Variants in SPATA6L observed in about 807,000 individuals in gnomAD.
SPATA6L encodes spermatogenesis associated 6-like protein.
A neutral mutation model predicts 49.2 loss-of-function variants in SPATA6L; 68 were observed. The ratio of observed to expected loss-of-function variants is 1.38; its 90% CI spans 1.14 to 1.69. SPATA6L has a LOEUF of 1.69. Ranked by LOEUF, SPATA6L falls within the 40% of genes most tolerant of loss-of-function variation. SPATA6L has a pLI of 0.00. For synonymous variants in SPATA6L, 198 were observed against 165.7 expected (o/e 1.19, Z -1.50); for missense variants, 668 against 464.3 (o/e 1.44, Z -4.03).
At chr9:4,629,426 G>C (rs1831014948) in intron 4 of SPATA6L, among the ~76,000 whole-genome samples, 1 of 151,894 alleles carries the variant, frequency 6.6e-6, no homozygotes, top group African/African-American at 2.4e-5. Flanking sequence ...TTTTATAATA[G>C]TATCTCCTCA....
chr9:4,625,301 G>A lies in SPATA6L; in HGVS notation c.669+26C>T, dbSNP rs12347308. 3,952 of 1,599,110 alleles carry A rather than the reference G, an allele frequency of 2.5e-3. 70 individuals carry two copies. In the African/African-American group the frequency reaches 0.038, roughly 16 times the overall value. ...ATCCATATCCTCACTATTGCAAAAT[G>A]CTCTAAAAAATAATTTTAGGCTCAC... On this transcript the variant is annotated intron_variant, in intron 6 of 11. Coordinates refer to ENST00000682582, the MANE Select transcript of SPATA6L (RefSeq NM_001353486.2).
At chr9:4,631,805 G>A (rs1476009919) in intron 4 of SPATA6L, among the ~76,000 whole-genome samples, 1 of 152,128 alleles carries the variant, frequency 6.6e-6, no homozygotes, top group Non-Finnish European at 1.5e-5. Context: ...GAGTAAGAGT[G>A]CAGGCTCTGA....
rs73387269 is a variant in SPATA6L, at chr9:4,627,740, G to A, written c.429+1351C>T. ...GTAGTACACATGGATGCCCTAAGAC[G>A]CTTCACGCTTACCAAAGACGGACCA... On this transcript the variant is annotated intron_variant, in intron 5 of 11. Transcript: ENST00000682582. 4,426 of 1,289,188 alleles carry A rather than the reference G, an allele frequency of 3.4e-3. 116 individuals carry two copies. In the African/African-American group the frequency reaches 0.061, roughly 18 times the overall value. 79.9% of individuals were successfully genotyped at this position (1,289,188 alleles called of 1,614,324 possible).
At chr9:4,665,362 C>T (rs1460754568) in intron 1 of SPATA6L, 3 of 152,532 alleles carry the variant, frequency 2.0e-5, no homozygotes, top group African/African-American at 4.8e-5. Flanking sequence ...ATTTTTAGAG[C>T]TTAAAACTGG....
chr9:4,621,981 G>C (rs938699908), intron 7 of SPATA6L, among the ~76,000 whole-genome samples: 1 of 152,098 alleles, frequency 6.6e-6, no homozygotes, highest in Non-Finnish European at 1.5e-5. Flanking sequence ...TTCCCACCTC[G>C]CTGACATGAA....
chr9:4,641,395 A>C (rs1235407081), intron 3 of SPATA6L, among the ~76,000 whole-genome samples: 1 of 152,176 alleles, frequency 6.6e-6, no homozygotes, highest in Non-Finnish European at 1.5e-5. Context: ...AGAGCATAAT[A>C]ATAAAACATT....
intron 6 of SPATA6L, among the ~76,000 whole-genome samples, chr9:4,623,185 C>T (rs892098581): frequency 6.6e-6 from 1 of 152,160 alleles, no homozygotes; most frequent in Non-Finnish European, 1.5e-5. Flanking sequence ...GAGGCTGAGG[C>T]AGGAGAATCG....
chr9:4,630,061 A>G (rs930306952), intron 4 of SPATA6L, among the ~76,000 whole-genome samples: 5 of 152,040 alleles, frequency 3.3e-5, no homozygotes, highest in Non-Finnish European at 5.9e-5. Flanking sequence ...TCAAAAGGTT[A>G]CAGACTGTAT....
At chr9:4,606,274 C>T (rs1381574434) in intron 9 of SPATA6L, among the ~76,000 whole-genome samples, 2 of 140,130 alleles carry the variant, frequency 1.4e-5, no homozygotes, top group Non-Finnish European at 3.1e-5. Flanking sequence ...CAGCCGGAAG[C>T]TCCAACTGGG....
intron 3 of SPATA6L, among the ~76,000 whole-genome samples, chr9:4,635,800 T>A (rs538272226): frequency 2.0e-5 from 3 of 152,196 alleles, no homozygotes; most frequent in Non-Finnish European, 4.4e-5. Flanking sequence ...GTTCAATGTG[T>A]TCTGTGATGC....
Position 4,650,193 on chromosome 9 carries a change from G to A in SPATA6L, c.226+5848C>T, listed in dbSNP as rs546416567. On this transcript the variant is annotated intron_variant, in intron 3 of 11. Coordinates refer to ENST00000682582, the MANE Select transcript of SPATA6L (RefSeq NM_001353486.2). ...ACTCTTCAATCTACCTGGTATGCCAGCCTGAGACCTAGCCTGCTCCCATTC... is the reference window on the plus strand; with the variant it reads ...ACTCTTCAATCTACCTGGTATGCCAACCTGAGACCTAGCCTGCTCCCATTC... 1.3e-4 allele frequency among the ~76,000 whole-genome samples: 20 copies of A among 152,262 alleles called. No homozygotes were observed. The South Asian group carries it at 3.9e-3, about 30-fold the overall frequency.
At chr9:4,612,340 A>ACTC (rs1826964872) in intron 9 of SPATA6L, among the ~76,000 whole-genome samples, 1 of 151,834 alleles carries the variant, frequency 6.6e-6, no homozygotes, top group Non-Finnish European at 1.5e-5. Context: ...GGCCACCCAG[A>ACTC]CTCCAAACTG....
Position 4,662,525 on chromosome 9 carries a change from C to T in SPATA6L, c.40-489G>A, listed in dbSNP as rs767253868. On this transcript the variant is annotated intron_variant, in intron 1 of 11. Transcript: ENST00000682582. This position sits in a 1 kb window ranked among gnomAD's most constrained non-coding sequence, Gnocchi z 4.9. ...CCCTGCTCAGCAGCCGCGCCACGGCCGTGGACCCCACCTGCGCCCGGCTCC... is the reference window on the plus strand; with the variant it reads ...CCCTGCTCAGCAGCCGCGCCACGGCTGTGGACCCCACCTGCGCCCGGCTCC... 4 of 1,564,898 alleles carry T rather than the reference C, an allele frequency of 2.6e-6. No homozygotes were observed. Among genetic ancestry groups the T allele is most frequent in the Admixed American group, 1.8e-5 (1 of 55,366 alleles).
chr9:4,639,466 C>A (rs1021895445), intron 3 of SPATA6L, among the ~76,000 whole-genome samples: 46 of 152,120 alleles, frequency 3.0e-4, no homozygotes, highest in African/African-American at 1.1e-3. Context: ...TAGACTGAAA[C>A]AGGGTTAGAC....
Position 4,622,612 on chromosome 9 carries a change from G to A in SPATA6L, c.670-102C>T, listed in dbSNP as rs1829583006. On this transcript the variant is annotated intron_variant, in intron 6 of 11. Coordinates refer to ENST00000682582, the MANE Select transcript of SPATA6L (RefSeq NM_001353486.2). ...TCTCCCCCTCAATCACTGATTACAC[G>A]GGTTGGAAAAAGAAGGCTGGAAAAC... 7 of 791,962 alleles carry A rather than the reference G, an allele frequency of 8.8e-6. No individual in the cohort carries two copies. In the East Asian group the frequency reaches 1.0e-4, roughly 12 times the overall value. 49.1% of individuals were successfully genotyped at this position (791,962 alleles called of 1,614,324 possible).
rs893265541 is a variant in SPATA6L, at chr9:4,598,823, G to C, written c.*1988C>G. Reference sequence around the variant, plus strand: ...AGAGGTAACATCAAAACAACAAATTGACAACCATAGTTTCAGAGAGACTGA... The same window carrying C: ...AGAGGTAACATCAAAACAACAAATTCACAACCATAGTTTCAGAGAGACTGA... On this transcript the variant is annotated 3_prime_UTR_variant, in exon 12 of 12. Coordinates refer to ENST00000682582, the MANE Select transcript of SPATA6L (RefSeq NM_001353486.2). Among the ~76,000 whole-genome samples, 1 of 152,188 alleles carries C rather than the reference G, an allele frequency of 6.6e-6. No homozygotes were observed. The highest frequency in any genetic ancestry group is 1.5e-5 in the Non-Finnish European group (1 of 68,036).
chr9:4,666,119 A>G, intron 1 of SPATA6L, 93 bp downstream of exon 1: 1 of 1,067,250 alleles, frequency 9.4e-7, no homozygotes, highest in Non-Finnish European at 1.5e-6. Context: ...GTTTGTGGTA[A>G]GTGGGGGATG....
chr9:4,602,448 TG>T (rs979958892), intron 11 of SPATA6L, among the ~76,000 whole-genome samples: 1 of 152,128 alleles, frequency 6.6e-6, no homozygotes, highest in Non-Finnish European at 1.5e-5. Context: ...GTGCTAAAGG[TG>T]GGGAGCCCTG....
intron 9 of SPATA6L, among the ~76,000 whole-genome samples, chr9:4,616,612 T>C (rs1211483846): frequency 1.3e-5 from 2 of 152,166 alleles, no homozygotes; most frequent in South Asian, 4.1e-4. Context: ...TTAAACGGAA[T>C]TGCGCTCTTG....
Sources: allele counts gnomAD v4.1 joint callset (sites outside exome capture counted in the v4.1 genomes callset), GRCh38; gene constraint gnomAD v4.1.1; non-coding constraint Gnocchi (gnomAD v3.1); transcripts MANE v1.5; gene names NCBI Gene and HGNC (gene_info 2026-07-23, HGNC 2026-07-21).